The following EFNA5 variants were observed in gnomAD, a reference collection of about 807,000 sequenced individuals.
The protein encoded by EFNA5 is ephrin A5, also known as ephrin-A5.
In EFNA5, 5 loss-of-function variants were observed where a neutral mutation model predicts 22.9. The ratio of observed to expected loss-of-function variants is 0.22; its 90% CI spans 0.11 to 0.46. The LOEUF (loss-of-function observed/expected upper bound fraction) is 0.46. Ranked by LOEUF, EFNA5 falls within the 20% of genes least tolerant of loss-of-function variation. The probability of loss-of-function intolerance (pLI) is 0.99; values close to 1 mark genes in which losing one functional copy is unlikely to be tolerated. For synonymous variants in EFNA5, 113 were observed against 112.2 expected (o/e 1.01, Z -0.04); for missense variants, 237 against 293.3 (o/e 0.81, Z 1.40).
chr5:107,658,955 G>A (rs985896698), intron 1 of EFNA5, among the ~76,000 whole-genome samples: 1 of 152,122 alleles, frequency 6.6e-6, no homozygotes, highest in Non-Finnish European at 1.5e-5. Flanking sequence ...CTGGCCCACA[G>A]TGGACACCTG....
At chr5:107,415,008 G>A (rs2112406699) in intron 2 of EFNA5, among the ~76,000 whole-genome samples, 1 of 152,256 alleles carries the variant, frequency 6.6e-6, no homozygotes, top group South Asian at 2.1e-4. Context: ...AGAGCTAAGG[G>A]CATGAACTTT....
intron 1 of EFNA5, among the ~76,000 whole-genome samples, chr5:107,522,263 G>A (rs1747613395): frequency 1.3e-5 from 2 of 152,136 alleles, no homozygotes; most frequent in African/African-American, 2.4e-5. Context: ...TGTTTTATTA[G>A]TCACCCATCA....
chr5:107,507,105 G>T (rs755727612), intron 1 of EFNA5, among the ~76,000 whole-genome samples: 3 of 152,046 alleles, frequency 2.0e-5, no homozygotes, highest in Admixed American at 2.0e-4. Flanking sequence ...TATATAATAT[G>T]ATCTGTCAAA....
At chr5:107,557,770 G>A (rs1748455666) in intron 1 of EFNA5, among the ~76,000 whole-genome samples, 1 of 152,076 alleles carries the variant, frequency 6.6e-6, no homozygotes, top group African/African-American at 2.4e-5. Context: ...ACAAAGTTTT[G>A]TTACCATTAC....
intron 2 of EFNA5, chr5:107,426,898 A>ATT: frequency 1.9e-5 from 5 of 268,376 alleles, no homozygotes; most frequent in South Asian, 5.7e-5. Flanking sequence ...ATTTCCTTTA[A>ATT]TTTTTTTTTC....
intron 1 of EFNA5, among the ~76,000 whole-genome samples, chr5:107,509,485 ATTTTTT>A (rs35228224): frequency 0.012 from 1,441 of 125,242 alleles, 9 homozygotes; most frequent in African/African-American, 0.026. Context: ...TGCTTGGCTA[ATTTTTT>A]TTTTTTTTTT....
intron 1 of EFNA5, among the ~76,000 whole-genome samples, chr5:107,510,728 A>C (rs966951484): frequency 6.6e-6 from 1 of 152,198 alleles, no homozygotes; most frequent in Non-Finnish European, 1.5e-5. Context: ...GAAGACCAGA[A>C]CAGCCCAATC....
At chr5:107,596,303 A>C (rs1441738854) in intron 1 of EFNA5, among the ~76,000 whole-genome samples, 1 of 152,148 alleles carries the variant, frequency 6.6e-6, no homozygotes, top group Non-Finnish European at 1.5e-5. Context: ...CCCTTCACCT[A>C]ATCCCTGGCA....
At chr5:107,520,722 G>A (rs1007640631) in intron 1 of EFNA5, among the ~76,000 whole-genome samples, 2 of 152,186 alleles carry the variant, frequency 1.3e-5, no homozygotes, top group African/African-American at 2.4e-5. Context: ...GCAAGTTTTC[G>A]AGGATGTGTG....
intron 1 of EFNA5, among the ~76,000 whole-genome samples, chr5:107,591,605 G>A (rs1432923138): frequency 1.3e-5 from 2 of 151,018 alleles, no homozygotes; most frequent in African/African-American, 4.9e-5. Flanking sequence ...CACATCACTT[G>A]AGGTCAGGAG....
At position 107,563,300 on chromosome 5, in the gene EFNA5, C is replaced by A. The variant is rs547507307; in HGVS notation, c.125+107189G>T. 2.6e-4 allele frequency among the ~76,000 whole-genome samples: 39 copies of A among 152,286 alleles called. No homozygotes were observed. In the South Asian group the frequency reaches 5.0e-3, roughly 19 times the overall value. On this transcript the variant is annotated intron_variant, in intron 1 of 4. Transcript: ENST00000333274. Reference sequence around the variant, plus strand: ...TTTCCCCAAGCACCCCACTTTCCTGCCCCATCATTAAAACCTGGGAGTCAT... The same window carrying A: ...TTTCCCCAAGCACCCCACTTTCCTGACCCATCATTAAAACCTGGGAGTCAT...
At chr5:107,598,346 T>G (rs753791286) in intron 1 of EFNA5, among the ~76,000 whole-genome samples, 1 of 152,058 alleles carries the variant, frequency 6.6e-6, no homozygotes, top group African/African-American at 2.4e-5. Flanking sequence ...TGACACCAAA[T>G]TGAGTGGAAG....
intron 1 of EFNA5, among the ~76,000 whole-genome samples, chr5:107,447,885 T>C (rs1324677134): frequency 1.3e-5 from 2 of 152,076 alleles, no homozygotes; most frequent in Non-Finnish European, 2.9e-5. Context: ...TCTGGTTCTG[T>C]TGCCCAGGCT....
At chr5:107,387,159 A>T (rs1747647286) in intron 4 of EFNA5, 76 bp downstream of exon 4, 1 of 1,036,840 alleles carries the variant, frequency 9.6e-7, no homozygotes, top group Non-Finnish European at 1.4e-6. Context: ...CATGCAGAGA[A>T]GAAGAAAGGA....
chr5:107,459,706 A>C (rs1441538992), intron 1 of EFNA5, among the ~76,000 whole-genome samples: 1 of 152,192 alleles, frequency 6.6e-6, no homozygotes. Flanking sequence ...GAAAGTGGTC[A>C]GAATTGAGTT....
chr5:107,419,412 CTATTTTCAAA>C (rs1748595731), intron 2 of EFNA5, among the ~76,000 whole-genome samples: 1 of 152,118 alleles, frequency 6.6e-6, no homozygotes, highest in Admixed American at 6.6e-5. Context: ...AATAGAAGGA[CTATTTTCAAA>C]TAGAGACCCG....
At chr5:107,593,824 G>A (rs535297708) in intron 1 of EFNA5, among the ~76,000 whole-genome samples, 2 of 152,286 alleles carry the variant, frequency 1.3e-5, no homozygotes, top group East Asian at 3.9e-4. Flanking sequence ...ACTCACCCAA[G>A]ATCTCCCACA....
intron 1 of EFNA5, among the ~76,000 whole-genome samples, chr5:107,466,906 A>G (rs1561398912): frequency 1.3e-5 from 2 of 152,156 alleles, no homozygotes; most frequent in Admixed American, 1.3e-4. Flanking sequence ...AGAAGAGATA[A>G]CAATCCTAAA....
intron 1 of EFNA5, among the ~76,000 whole-genome samples, chr5:107,642,798 A>G (rs750622039): frequency 2.4e-4 from 37 of 152,272 alleles, no homozygotes; most frequent in Non-Finnish European, 4.6e-4. Flanking sequence ...TTTTCTATTA[A>G]GTCTTTTAGG....
Sources: gnomAD v4.1 joint callset for allele counts (sites outside exome capture counted in the v4.1 genomes callset) on GRCh38, gnomAD v4.1.1 for gene constraint, MANE v1.5 for transcripts, NCBI Gene and HGNC (gene_info 2026-07-23, HGNC 2026-07-21) for gene names.